The following BRIP1 variants were observed in gnomAD, a reference collection of about 807,000 sequenced individuals.
BRIP1 encodes Fanconi anemia group J protein.
In BRIP1, 88 loss-of-function variants were observed where a neutral mutation model predicts 119.7. The observed-to-expected ratio is 0.74, with a 90% confidence interval of 0.62 to 0.88. The LOEUF is 0.88. Ranked by LOEUF, BRIP1 falls within the 40% of genes least tolerant of loss-of-function variation. The pLI is 0.00. For synonymous variants in BRIP1, 443 were observed against 496.5 expected (o/e 0.89, Z 1.43); for missense variants, 1,259 against 1,455.4 (o/e 0.87, Z 2.20).
rs990328122 is a variant in BRIP1 at position 61,708,870 on chromosome 17, G to GT, written c.2492+7080dup. Among the ~76,000 whole-genome samples, 3 of 152,144 alleles carry GT rather than the reference G, an allele frequency of 2.0e-5. No homozygotes were observed. Among genetic ancestry groups the GT allele is most frequent in the Non-Finnish European group, 4.4e-5 (3 of 68,016 alleles). ...AAGGAATTCTACACGCTTGGTAGAT[G>GT]TAAGACTGATTGTCAGCCTACTCAG... On this transcript the variant is annotated intron_variant, in intron 17 of 19. Transcript: ENST00000259008. This position sits in a 1 kb window ranked among gnomAD's most constrained non-coding sequence, Gnocchi z 4.4.
At chr17:61,838,779 T>TA (rs1017701900) in intron 6 of BRIP1, among the ~76,000 whole-genome samples, 6 of 151,226 alleles carry the variant, frequency 4.0e-5, no homozygotes, top group African/African-American at 1.5e-4. Flanking sequence ...TAAAAAAATA[T>TA]AAAAAAAAGT....
At position 61,746,197 on chromosome 17, in the gene BRIP1, A is replaced by C. The variant is rs184453264; in HGVS notation, c.2098-1606T>G. Reference sequence around the variant, plus strand: ...AGTTAACTGCTGTACAATATGCTTTAATTAAATAGGAAGAACTACTTTAAT... The same window carrying C: ...AGTTAACTGCTGTACAATATGCTTTCATTAAATAGGAAGAACTACTTTAAT... On this transcript the variant is annotated intron_variant, in intron 14 of 19. Coordinates refer to ENST00000259008, the MANE Select transcript of BRIP1 (RefSeq NM_032043.3). This position sits in a 1 kb window ranked among gnomAD's most constrained non-coding sequence, Gnocchi z 4.9. Among the ~76,000 whole-genome samples, 1 of 152,194 alleles carries C rather than the reference A, an allele frequency of 6.6e-6. No homozygotes were observed. The highest frequency in any genetic ancestry group is 2.4e-5 in the African/African-American group (1 of 41,462).
In BRIP1 at chr17:61,684,218, T is replaced by G. The variant is rs2061328455; in HGVS notation, c.2906-78A>C. ...TTGCTAGGTTAAAATAATTATTTATTAGAAATACCTAAATAACTGTATAGG... is the reference window on the plus strand; with the variant it reads ...TTGCTAGGTTAAAATAATTATTTATGAGAAATACCTAAATAACTGTATAGG... On this transcript the variant is annotated intron_variant, in intron 19 of 19. Coordinates refer to ENST00000259008, the MANE Select transcript of BRIP1 (RefSeq NM_032043.3). The surrounding 1 kb of genome is among the most constrained non-coding windows in gnomAD (Gnocchi z 4.5). The G allele has an allele frequency of 1.2e-5, 18 of 1,468,102 alleles. No individual in the cohort carries two copies. In the East Asian group the frequency reaches 4.2e-4, roughly 34 times the overall value. 90.9% of individuals were successfully genotyped at this position (1,468,102 alleles called of 1,614,324 possible). A position where few individuals can be genotyped will look rare whatever the true frequency, so the allele number is the denominator to read the frequency against.
At chr17:61,772,889 A>G (rs2077479688) in intron 14 of BRIP1, among the ~76,000 whole-genome samples, 3 of 151,810 alleles carry the variant, frequency 2.0e-5, no homozygotes, top group African/African-American at 7.3e-5. Context: ...AAATGACAAT[A>G]AATATCAGAA....
Position 61,687,195 on chromosome 17 carries a change from A to G in BRIP1, c.2576-1030T>C, listed in dbSNP as rs1267223844. The stretch of plus-strand genomic sequence containing the variant: ...TTCAAGGTTTCAGTGAACTATGATC[A>G]CGTCACTGCACTCCAGCCTGGGCAA... On this transcript the variant is annotated intron_variant, in intron 18 of 19. Transcript: ENST00000259008. The surrounding 1 kb of genome is among the most constrained non-coding windows in gnomAD (Gnocchi z 5.1). 6.6e-6 allele frequency among the ~76,000 whole-genome samples: 1 copy of G among 152,126 alleles called. No individual in the cohort carries two copies. The highest frequency in any genetic ancestry group is 1.9e-4 in the East Asian group (1 of 5,194).
In BRIP1 at chr17:61,796,306, G is replaced by T. The variant is rs1174371291; in HGVS notation, c.1341-2577C>A. Among the ~76,000 whole-genome samples the T allele has an allele frequency of 6.6e-6, 1 of 152,046 alleles. No homozygotes were observed. The highest frequency in any genetic ancestry group is 1.5e-5 in the Non-Finnish European group (1 of 67,970). ...TGCTTTGGTTACCTGTGCTTGTGGG[G>T]TATTGCTCAAGAAGTTGTTCCCCAG... On this transcript the variant is annotated intron_variant, in intron 9 of 19. Transcript: ENST00000259008. The surrounding 1 kb of genome is among the most constrained non-coding windows in gnomAD (Gnocchi z 4.8).
intron 17 of BRIP1, among the ~76,000 whole-genome samples, chr17:61,698,842 A>C (rs1043764270): frequency 6.6e-6 from 1 of 151,646 alleles, no homozygotes; most frequent in African/African-American, 2.4e-5. Flanking sequence ...AGTCTCCTGA[A>C]TAGCTGGGAT....
chr17:61,772,200 TATATATATAA>T (rs1173338169), intron 14 of BRIP1, among the ~76,000 whole-genome samples: 1,262 of 78,926 alleles, frequency 0.016, 33 homozygotes, highest in South Asian at 0.048. Context: ...TATATATATA[TATATATATAA>T]AATGAAATAT....
Position 61,780,726 on chromosome 17 carries a change from C to G in BRIP1, c.1794+114G>C. ...CTGGGTGAAGAGCAAGACCCTGCCT[C>G]AAAACAACAACAACAACAACAACAA... On this transcript the variant is annotated intron_variant, in intron 12 of 19. Coordinates refer to ENST00000259008, the MANE Select transcript of BRIP1 (RefSeq NM_032043.3). The surrounding 1 kb of genome is among the most constrained non-coding windows in gnomAD (Gnocchi z 5.4). The G allele has an allele frequency of 7.6e-7, 1 of 1,320,966 alleles. No individual in the cohort carries two copies. The highest frequency in any genetic ancestry group is 1.2e-5 in the South Asian group (1 of 83,614). 81.8% of individuals were successfully genotyped at this position (1,320,966 alleles called of 1,614,324 possible).
In BRIP1 at chr17:61,708,846, A is replaced by C. The variant is rs1348695346; in HGVS notation, c.2492+7105T>G. ...CATGGGGTGGTCAGTTTCCCTAAAAAGGAATTCTACACGCTTGGTAGATGT... is the reference window on the plus strand; with the variant it reads ...CATGGGGTGGTCAGTTTCCCTAAAACGGAATTCTACACGCTTGGTAGATGT... On this transcript the variant is annotated intron_variant, in intron 17 of 19. Coordinates refer to ENST00000259008, the MANE Select transcript of BRIP1 (RefSeq NM_032043.3). This position sits in a 1 kb window ranked among gnomAD's most constrained non-coding sequence, Gnocchi z 4.4. Among the ~76,000 whole-genome samples the C allele has an allele frequency of 1.3e-5, 2 of 152,212 alleles. No homozygotes were observed. The highest frequency in any genetic ancestry group is 2.9e-5 in the Non-Finnish European group (2 of 68,034).
rs1179232119 is a variant in BRIP1 at position 61,815,059 on chromosome 17, CT to C, written c.628-6303del. Reference sequence around the variant, plus strand: ...AGGAATCAAGACTATGGAAGATAATCTTAAAAGCTAACAATTGTCATGAAAA... The same window carrying C: ...AGGAATCAAGACTATGGAAGATAATCTAAAAGCTAACAATTGTCATGAAAA... On this transcript the variant is annotated intron_variant, in intron 6 of 19. Transcript: ENST00000259008. This position sits in a 1 kb window ranked among gnomAD's most constrained non-coding sequence, Gnocchi z 4.1. Among the ~76,000 whole-genome samples, 1 of 149,942 alleles carries C rather than the reference CT, an allele frequency of 6.7e-6. No homozygotes were observed. The highest frequency in any genetic ancestry group is 1.5e-5 in the Non-Finnish European group (1 of 67,566).
rs1051331873 is a variant in BRIP1, at chr17:61,706,021, T to C, written c.2492+9930A>G. 1.3e-5 allele frequency among the ~76,000 whole-genome samples: 2 copies of C among 152,310 alleles called. No homozygotes were observed. The highest frequency in any genetic ancestry group is 4.1e-4 in the South Asian group (2 of 4,830). ...TGAGAGGAATTTTGAAGTTTCCAAGTATAATTGTGTATTTTTCTATTTTTC... is the reference window on the plus strand; with the variant it reads ...TGAGAGGAATTTTGAAGTTTCCAAGCATAATTGTGTATTTTTCTATTTTTC... On this transcript the variant is annotated intron_variant, in intron 17 of 19. Coordinates refer to ENST00000259008, the MANE Select transcript of BRIP1 (RefSeq NM_032043.3). This position sits in a 1 kb window ranked among gnomAD's most constrained non-coding sequence, Gnocchi z 5.7.
At position 61,730,771 on chromosome 17, in the gene BRIP1, C is replaced by T. The variant is rs959248057; in HGVS notation, c.2379+12242G>A. On this transcript the variant is annotated intron_variant, in intron 16 of 19. Coordinates refer to ENST00000259008, the MANE Select transcript of BRIP1 (RefSeq NM_032043.3). The surrounding 1 kb of genome is among the most constrained non-coding windows in gnomAD (Gnocchi z 4.3). ...GTATTAGGAGAAAAAGGTTATCAAC[C>T]GAACTTGCTTAAAATTTTGGGATTT... 1.1e-4 allele frequency among the ~76,000 whole-genome samples: 16 copies of T among 151,918 alleles called. No homozygotes were observed. Among genetic ancestry groups the T allele is most frequent in the Non-Finnish European group, 2.1e-4 (14 of 67,996 alleles).
Position 61,720,651 on chromosome 17 carries a change from A to G in BRIP1, c.2380-4588T>C, listed in dbSNP as rs888237568. ...TCAGATGTGAATCATCCCTTTGTCC[A>G]GTATATCCATGCTGTACATACTACC... On this transcript the variant is annotated intron_variant, in intron 16 of 19. Coordinates refer to ENST00000259008, the MANE Select transcript of BRIP1 (RefSeq NM_032043.3). The surrounding 1 kb of genome is among the most constrained non-coding windows in gnomAD (Gnocchi z 4.3). Among the ~76,000 whole-genome samples, 2 of 152,198 alleles carry G rather than the reference A, an allele frequency of 1.3e-5. No individual in the cohort carries two copies.
rs786201819 is a variant in BRIP1, at chr17:61,801,353, A to G, written c.1040T>C (p.Leu347Pro). The change falls in exon 8 of 20, where the codon CTA (leucine) becomes CCA (proline). Residue 347 changes from leucine to proline, a missense_variant. Physicochemically the swap from Leu to Pro is moderately conservative, Grantham distance 98. Around this residue, in one of 3 missense-constraint regions of BRIP1, gnomAD observed 501 missense variants for 544.0 expected, o/e 0.92. Transcript: ENST00000259008. ...IEELVSLGKK[L>P]KACPYYTARE... ...GGCTGTGTAATATGGACAGGCCTTT[A>G]GTTTCTTCCCCAGGCTGACAAGTTC... 3 of 1,613,914 alleles carry G rather than the reference A, an allele frequency of 1.9e-6. No homozygotes were observed. The highest frequency in any genetic ancestry group is 2.5e-6 in the Non-Finnish European group (3 of 1,179,944).
At chr17:61,859,610 C>T (rs1192529311) in intron 3 of BRIP1, among the ~76,000 whole-genome samples, 186 bp downstream of exon 3, 1 of 152,170 alleles carries the variant, frequency 6.6e-6, no homozygotes, top group African/African-American at 2.4e-5. Context: ...ACTATTTTAG[C>T]ATTAATTAAA....
rs2078085087 is a variant in BRIP1 at position 61,807,066 on chromosome 17, C to T, written c.918+1401G>A. ...ACAAAAAAAGATAAAAATATGGTGA[C>T]AATGCCAGCAAGTCTTCTTGCATAG... On this transcript the variant is annotated intron_variant, in intron 7 of 19. Transcript: ENST00000259008. This position sits in a 1 kb window ranked among gnomAD's most constrained non-coding sequence, Gnocchi z 4.5. Among the ~76,000 whole-genome samples, 1 of 152,134 alleles carries T rather than the reference C, an allele frequency of 6.6e-6. No individual in the cohort carries two copies. Among genetic ancestry groups the T allele is most frequent in the African/African-American group, 2.4e-5 (1 of 41,426 alleles).
At chr17:61,688,317 C>T (rs2061390693) in intron 18 of BRIP1, among the ~76,000 whole-genome samples, 1 of 152,024 alleles carries the variant, frequency 6.6e-6, no homozygotes, top group South Asian at 2.1e-4. Context: ...CCCATCTCTA[C>T]AAAAAATACA....
At chr17:61,850,594 G>A (rs1567869894) in intron 4 of BRIP1, among the ~76,000 whole-genome samples, 1 of 152,026 alleles carries the variant, frequency 6.6e-6, no homozygotes. Context: ...TTGGAAGGCC[G>A]AGGCGAGTGG....
Sources: allele counts gnomAD v4.1 joint callset (sites outside exome capture counted in the v4.1 genomes callset), GRCh38; gene constraint gnomAD v4.1.1; regional missense constraint gnomAD v4.1.1; non-coding constraint Gnocchi (gnomAD v3.1); transcripts MANE v1.5; gene names NCBI Gene and HGNC (gene_info 2026-07-23, HGNC 2026-07-21).